FAF1: variants seen among roughly 807,000 people sequenced by gnomAD.
FAF1 encodes the protein Fas associated factor 1, also known as FAS-associated factor 1.
In FAF1, 25 loss-of-function variants were observed where a neutral mutation model predicts 92.5. The observed-to-expected ratio is 0.27, with a 90% CI of 0.20 to 0.38. FAF1 has a LOEUF of 0.38. FAF1 is among the 10% of genes least tolerant of loss of function. The pLI, the probability that FAF1 is intolerant of heterozygous loss-of-function variation, is 1.00. For synonymous variants in FAF1, 234 were observed against 273.2 expected (o/e 0.86, Z 1.42); for missense variants, 636 against 793.3 (o/e 0.80, Z 2.38).
intron 2 of FAF1, among the ~76,000 whole-genome samples, chr1:50,829,059 C>A (rs1644130206): frequency 6.6e-6 from 1 of 152,094 alleles, no homozygotes. Context: ...AATTTAAAAC[C>A]ACAATGAAAT....
intron 4 of FAF1, among the ~76,000 whole-genome samples, chr1:50,751,483 A>C (rs767715594): frequency 3.3e-5 from 5 of 152,088 alleles, no homozygotes; most frequent in African/African-American, 9.7e-5. Context: ...AGCTGGGACT[A>C]CAGGCACGTG....
intron 1 of FAF1, among the ~76,000 whole-genome samples, chr1:50,938,661 T>A (rs761754257): frequency 2.0e-5 from 3 of 152,238 alleles, no homozygotes; most frequent in Non-Finnish European, 2.9e-5. Flanking sequence ...AAGGCCAATA[T>A]CAAGGATATT....
intron 8 of FAF1, among the ~76,000 whole-genome samples, chr1:50,617,391 G>A (rs770333543): frequency 9.2e-5 from 14 of 152,110 alleles, no homozygotes; most frequent in Non-Finnish European, 1.6e-4. Context: ...CTTTTACTGC[G>A]TCTATTGAGA....
intron 13 of FAF1, among the ~76,000 whole-genome samples, chr1:50,556,883 A>AAAAT (rs1424396829): frequency 2.6e-5 from 4 of 151,368 alleles, no homozygotes; most frequent in Admixed American, 1.3e-4. Context: ...TAAAATAAAT[A>AAAAT]AAATAAAATA....
chr1:50,621,734 G>T (rs1653221686), intron 8 of FAF1, among the ~76,000 whole-genome samples: 1 of 152,008 alleles, frequency 6.6e-6, no homozygotes, highest in Admixed American at 6.5e-5. Context: ...AGGTTACCTG[G>T]GGCCAGCACC....
intron 18 of FAF1, among the ~76,000 whole-genome samples, chr1:50,465,457 T>C (rs1646482865): frequency 6.6e-6 from 1 of 152,196 alleles, no homozygotes; most frequent in Non-Finnish European, 1.5e-5. Flanking sequence ...TTTGCATCAT[T>C]CATTCATTCA....
At position 50,960,249 on chromosome 1, in the gene FAF1, G is replaced by C. The variant is rs903282629; in HGVS notation, c.-438C>G. On this transcript the variant is annotated 5_prime_UTR_variant, in exon 1 of 19. Coordinates refer to ENST00000396153, the MANE Select transcript of FAF1 (RefSeq NM_007051.3). ...CGCCTCCTCCGCTTCCTCCCTGGCCGCCGCCTCCGCCCCTGGTTGGCCAGC... is the reference window on the plus strand; with the variant it reads ...CGCCTCCTCCGCTTCCTCCCTGGCCCCCGCCTCCGCCCCTGGTTGGCCAGC... The C allele has an allele frequency of 3.0e-6, 1 of 330,772 alleles. No individual in the cohort carries two copies. 20.5% of individuals were successfully genotyped at this position (330,772 alleles called of 1,614,324 possible).
intron 3 of FAF1, among the ~76,000 whole-genome samples, chr1:50,790,282 C>A (rs953187450): frequency 2.0e-5 from 3 of 152,088 alleles, no homozygotes; most frequent in African/African-American, 7.2e-5. Flanking sequence ...GCTGGGACTA[C>A]AGGTGTGCGC....
At chr1:50,867,832 C>T (rs1254686015) in intron 1 of FAF1, among the ~76,000 whole-genome samples, 1 of 152,106 alleles carries the variant, frequency 6.6e-6, no homozygotes, top group Non-Finnish European at 1.5e-5. Context: ...TTCCTGGGTA[C>T]CTACCCAGAG....
chr1:50,483,620 G>T (rs1005995216), intron 17 of FAF1, among the ~76,000 whole-genome samples: 1 of 152,112 alleles, frequency 6.6e-6, no homozygotes, highest in African/African-American at 2.4e-5. Flanking sequence ...ATTTTTAAAG[G>T]ATTTATTAAG....
At chr1:50,701,265 A>G (rs566483948) in intron 7 of FAF1, among the ~76,000 whole-genome samples, 1 of 152,160 alleles carries the variant, frequency 6.6e-6, no homozygotes, top group Admixed American at 6.6e-5. Flanking sequence ...AAAACAAACC[A>G]CTTACACTTT....
chr1:50,488,051 G>T (rs1646787725), intron 17 of FAF1, among the ~76,000 whole-genome samples: 1 of 152,132 alleles, frequency 6.6e-6, no homozygotes, highest in South Asian at 2.1e-4. Flanking sequence ...GATAAGATTG[G>T]ACTAAATGAA....
chr1:50,596,602 G>A (rs1326013622), intron 8 of FAF1, among the ~76,000 whole-genome samples: 2 of 152,084 alleles, frequency 1.3e-5, no homozygotes, highest in Non-Finnish European at 2.9e-5. Flanking sequence ...TTGTAGGTGA[G>A]ATACAAAATT....
At chr1:50,606,308 C>T (rs1652395174) in intron 8 of FAF1, among the ~76,000 whole-genome samples, 1 of 151,952 alleles carries the variant, frequency 6.6e-6, no homozygotes, top group Non-Finnish European at 1.5e-5. Context: ...ATTATTCAGT[C>T]TTTTCCATAC....
At chr1:50,599,155 C>T (rs1029511427) in intron 8 of FAF1, among the ~76,000 whole-genome samples, 1 of 152,112 alleles carries the variant, frequency 6.6e-6, no homozygotes, top group Admixed American at 6.6e-5. Context: ...CTCTGTCACC[C>T]AGGCTGGAGT....
At chr1:50,603,083 C>A (rs1200053412) in intron 8 of FAF1, among the ~76,000 whole-genome samples, 1 of 152,164 alleles carries the variant, frequency 6.6e-6, no homozygotes, top group Non-Finnish European at 1.5e-5. Context: ...AACTCAGGCA[C>A]TTTATCTCAC....
intron 1 of FAF1, among the ~76,000 whole-genome samples, chr1:50,944,048 C>T (rs1371165952): frequency 6.6e-6 from 1 of 152,188 alleles, no homozygotes; most frequent in Non-Finnish European, 1.5e-5. Flanking sequence ...CCAATCTGTC[C>T]CATTTGTCCA....
intron 7 of FAF1, among the ~76,000 whole-genome samples, chr1:50,684,108 A>G (rs1015035846): frequency 6.6e-5 from 10 of 151,994 alleles, no homozygotes; most frequent in Admixed American, 1.3e-4. Flanking sequence ...TTGGAAATTG[A>G]AAGGTGAGTT....
intron 17 of FAF1, 93 bp downstream of exon 17, chr1:50,490,495 G>A (rs12049484): frequency 2.6e-4 from 29 of 112,382 alleles, no homozygotes; most frequent in East Asian, 1.9e-3. Flanking sequence ...GGAAGGAAAG[G>A]AAGGAAGGAA....
Sources: gnomAD v4.1 joint callset for allele counts (sites outside exome capture counted in the v4.1 genomes callset) on GRCh38, gnomAD v4.1.1 for gene constraint, MANE v1.5 for transcripts, NCBI Gene and HGNC (gene_info 2026-07-23, HGNC 2026-07-21) for gene names.